Variants in AUTS2 observed in about 807,000 individuals in gnomAD.
AUTS2 encodes the protein activator of transcription and developmental regulator AUTS2.
In AUTS2, 17 loss-of-function variants were observed where a neutral mutation model predicts 112.4. The ratio of observed to expected loss-of-function variants is 0.15; its 90% CI spans 0.10 to 0.23. AUTS2 has a LOEUF of 0.23. Ranked by LOEUF, AUTS2 falls within the 10% of genes least tolerant of loss-of-function variation. AUTS2 has a pLI of 1.00. For synonymous variants in AUTS2, 751 were observed against 702.7 expected, an observed-to-expected ratio of 1.07 and a Z score of -1.09; for missense variants, 1,510 against 1,701.6, an observed-to-expected ratio of 0.89 and a Z score of 1.98.
chr7:70,559,770 C>T (rs982393466), intron 5 of AUTS2, among the ~76,000 whole-genome samples: 1 of 152,204 alleles, frequency 6.6e-6, no homozygotes, highest in Non-Finnish European at 1.5e-5. Flanking sequence ...GGATTCCTAA[C>T]CTCCTTACCT....
At chr7:69,676,858 AC>A (rs1796590737) in intron 1 of AUTS2, among the ~76,000 whole-genome samples, 1 of 150,162 alleles carries the variant, frequency 6.7e-6, no homozygotes, top group African/African-American at 2.5e-5. Context: ...CTGTTTTCTG[AC>A]CATGCTTCAT....
intron 4 of AUTS2, among the ~76,000 whole-genome samples, chr7:70,233,492 A>G (rs1391513758): frequency 6.6e-6 from 1 of 152,202 alleles, no homozygotes; most frequent in East Asian, 1.9e-4. Flanking sequence ...AGGGAAAGGA[A>G]TTGCTTAATG....
intron 2 of AUTS2, among the ~76,000 whole-genome samples, chr7:70,093,011 CT>C (rs1019208709): frequency 6.6e-6 from 1 of 152,116 alleles, no homozygotes; most frequent in African/African-American, 2.4e-5. Context: ...CTCTAGGATG[CT>C]TTTACAGAGT....
At chr7:70,325,058 A>G (rs1049462310) in intron 4 of AUTS2, among the ~76,000 whole-genome samples, 2 of 152,134 alleles carry the variant, frequency 1.3e-5, no homozygotes, top group African/African-American at 4.8e-5. Flanking sequence ...TCATTACTGC[A>G]TTTTGCCCTT....
rs9886083 is a variant in AUTS2 at position 70,784,721 on chromosome 7, G to C, written c.2147-221G>C. On this transcript the variant is annotated intron_variant, in intron 15 of 18. Transcript: ENST00000342771. ...AGCCACGCTGGGAAAGAGAAAGAGG[G>C]ATGATTGATTTTCTGCTTCCTAAAA... 59,025 of 491,534 alleles carry C rather than the reference G, an allele frequency of 0.12. 6,258 individuals carry two copies. Among genetic ancestry groups the C allele is most frequent in the East Asian group, 0.3 (6,779 of 22,936 alleles). 30.4% of individuals were successfully genotyped at this position (491,534 alleles called of 1,614,324 possible).
At chr7:70,489,100 A>G (rs1026867330) in intron 5 of AUTS2, among the ~76,000 whole-genome samples, 1 of 152,252 alleles carries the variant, frequency 6.6e-6, no homozygotes, top group South Asian at 2.1e-4. Context: ...GAAACCAACA[A>G]AAAACACAGA....
At chr7:70,513,073 C>T (rs542391788) in intron 5 of AUTS2, among the ~76,000 whole-genome samples, 4 of 152,258 alleles carry the variant, frequency 2.6e-5, no homozygotes, top group Admixed American at 2.0e-4. Context: ...AACAGATCTG[C>T]GTAATGGGGA....
chr7:69,647,844 TC>T (rs1277610520), intron 1 of AUTS2, among the ~76,000 whole-genome samples: 1 of 152,224 alleles, frequency 6.6e-6, no homozygotes, highest in Admixed American at 6.5e-5. Flanking sequence ...CTTTGCCTCT[TC>T]CTAGCTTCTG....
chr7:70,391,371 TTATTTGAATGAATATTTCAAGG>T (rs1793849206), intron 4 of AUTS2, among the ~76,000 whole-genome samples: 1 of 152,214 alleles, frequency 6.6e-6, no homozygotes, highest in South Asian at 2.1e-4. Flanking sequence ...AACATGTTGG[TTATTTGAATGAATATTTCAAGG>T]TATTTGAATG....
chr7:69,604,222 A>G lies in AUTS2; in HGVS notation c.309+4260A>G, dbSNP rs1322278601. On this transcript the variant is annotated intron_variant, in intron 1 of 18. Coordinates refer to ENST00000342771, the MANE Select transcript of AUTS2 (RefSeq NM_015570.4). Reference sequence around the variant, plus strand: ...CACACATCAGTAGCATAAGTGGGCTATACAGAATTTGGTGTACTTATAACA... The same window carrying G: ...CACACATCAGTAGCATAAGTGGGCTGTACAGAATTTGGTGTACTTATAACA... Among the ~76,000 whole-genome samples, 3 of 152,196 alleles carry G rather than the reference A, an allele frequency of 2.0e-5. 1 individual carries two copies. Among genetic ancestry groups the G allele is most frequent in the South Asian group, 4.1e-4 (2 of 4,830 alleles).
chr7:69,986,527 T>G (rs1798521473), intron 2 of AUTS2, among the ~76,000 whole-genome samples: 1 of 152,222 alleles, frequency 6.6e-6, no homozygotes, highest in Non-Finnish European at 1.5e-5. Flanking sequence ...TAAAGTCAGT[T>G]TCCAGGTGAG....
chr7:69,876,527 TATATATATATATATATA>T (rs1793806804), intron 1 of AUTS2, among the ~76,000 whole-genome samples: 9 of 46,526 alleles, frequency 1.9e-4, no homozygotes, highest in South Asian at 6.1e-4. Context: ...TATATATATA[TATATATATATATATATA>T]TTTTCAGTGT....
intron 5 of AUTS2, among the ~76,000 whole-genome samples, chr7:70,553,045 C>T (rs897069282): frequency 4.6e-5 from 7 of 152,192 alleles, no homozygotes; most frequent in East Asian, 1.9e-4. Flanking sequence ...GAGCAAATGA[C>T]GTACTCTCTC....
At chr7:70,315,708 A>ATTTGACC (rs1789962487) in intron 4 of AUTS2, among the ~76,000 whole-genome samples, 1 of 152,166 alleles carries the variant, frequency 6.6e-6, no homozygotes, top group African/African-American at 2.4e-5. Context: ...ACAGATGTCC[A>ATTTGACC]TTTGACCTCC....
At chr7:69,763,163 G>T (rs1039503072) in intron 1 of AUTS2, among the ~76,000 whole-genome samples, 13 of 152,156 alleles carry the variant, frequency 8.5e-5, no homozygotes, top group African/African-American at 2.9e-4. Context: ...AATATTTAGG[G>T]TGAACCTTCA....
At chr7:69,745,376 T>G (rs921958941) in intron 1 of AUTS2, among the ~76,000 whole-genome samples, 2 of 152,206 alleles carry the variant, frequency 1.3e-5, no homozygotes, top group Non-Finnish European at 1.5e-5. Context: ...GCCAGTATGT[T>G]CCATTGCCCT....
intron 1 of AUTS2, among the ~76,000 whole-genome samples, chr7:69,629,767 C>G (rs1482735725): frequency 1.3e-5 from 2 of 151,944 alleles, no homozygotes. Context: ...TTGTATAATG[C>G]AAGGTGATGG....
intron 4 of AUTS2, among the ~76,000 whole-genome samples, chr7:70,284,832 A>G (rs1001990676): frequency 1.3e-5 from 2 of 152,204 alleles, no homozygotes; most frequent in Non-Finnish European, 2.9e-5. Flanking sequence ...AGCATCAGAA[A>G]GCCAGGGAAG....
chr7:70,057,280 G>C (rs1477649449), intron 2 of AUTS2, among the ~76,000 whole-genome samples: 2 of 152,086 alleles, frequency 1.3e-5, no homozygotes, highest in Non-Finnish European at 2.9e-5. Context: ...CCGTTTACCA[G>C]GAAACATTCA....
Sources: gnomAD v4.1 joint callset for allele counts (sites outside exome capture counted in the v4.1 genomes callset) on GRCh38, gnomAD v4.1.1 for gene constraint, MANE v1.5 for transcripts, NCBI Gene and HGNC (gene_info 2026-07-23, HGNC 2026-07-21) for gene names.